The following TACR3 variants were observed in gnomAD, a reference collection of about 807,000 sequenced individuals.
The protein encoded by TACR3 is tachykinin receptor 3, also known as neuromedin-K receptor.
In TACR3, 34 loss-of-function variants were observed where a neutral mutation model predicts 35.0. The observed-to-expected ratio is 0.97, with a 90% CI of 0.74 to 1.30. The LOEUF is 1.30. Ranked by LOEUF, TACR3 falls within the 50% of genes most tolerant of loss-of-function variation. TACR3 has a pLI of 0.00. For synonymous variants in TACR3, 233 were observed against 221.1 expected, an observed-to-expected ratio of 1.05 and a Z score of -0.48; for missense variants, 558 against 591.7, an observed-to-expected ratio of 0.94 and a Z score of 0.59.
At chr4:103,678,038 G>A (rs1375519872) in intron 1 of TACR3, among the ~76,000 whole-genome samples, 6 of 152,066 alleles carry the variant, frequency 3.9e-5, no homozygotes, top group Admixed American at 3.9e-4. Context: ...ATGTAGCATA[G>A]GTTATCTTTC....
intron 3 of TACR3, among the ~76,000 whole-genome samples, chr4:103,645,811 T>C (rs1192723747): frequency 1.3e-5 from 2 of 151,984 alleles, no homozygotes; most frequent in Non-Finnish European, 2.9e-5. Context: ...AAAAGATCCC[T>C]ACATACAATC....
intron 3 of TACR3, among the ~76,000 whole-genome samples, chr4:103,596,274 G>C (rs1724014178): frequency 6.6e-6 from 1 of 151,932 alleles, no homozygotes; most frequent in East Asian, 1.9e-4. Flanking sequence ...CCAGTAATGG[G>C]ATGGCTGGGT....
intron 3 of TACR3, among the ~76,000 whole-genome samples, chr4:103,596,807 T>C (rs1724036276): frequency 6.6e-6 from 1 of 150,716 alleles, no homozygotes; most frequent in Non-Finnish European, 1.5e-5. Context: ...CCTGTGTCCA[T>C]GTGTTCTCAT....
intron 3 of TACR3, among the ~76,000 whole-genome samples, chr4:103,637,492 G>A (rs1560817423): frequency 6.6e-6 from 1 of 152,030 alleles, no homozygotes; most frequent in African/African-American, 2.4e-5. Context: ...ATACTGAATG[G>A]GCAAAAACTG....
chr4:103,604,165 C>A (rs934964852), intron 3 of TACR3, among the ~76,000 whole-genome samples: 4 of 152,198 alleles, frequency 2.6e-5, no homozygotes, highest in Non-Finnish European at 5.9e-5. Context: ...GTAACCAAAA[C>A]ACCATGGTAC....
intron 3 of TACR3, among the ~76,000 whole-genome samples, chr4:103,603,506 C>T (rs1444869152): frequency 2.0e-5 from 3 of 152,212 alleles, no homozygotes; most frequent in Non-Finnish European, 2.9e-5. Context: ...GCGAACTTAT[C>T]CTTTTTTATG....
At chr4:103,608,966 T>G (rs1452013925) in intron 3 of TACR3, among the ~76,000 whole-genome samples, 1 of 152,100 alleles carries the variant, frequency 6.6e-6, no homozygotes. Flanking sequence ...TAATAGAGCC[T>G]GAGGCAATGT....
chr4:103,719,695 C>T lies in TACR3; in HGVS notation c.-20G>A, dbSNP rs201377092. On this transcript the variant is annotated 5_prime_UTR_variant, in exon 1 of 5. Coordinates refer to ENST00000304883, the MANE Select transcript of TACR3 (RefSeq NM_001059.3). ...GGCCATCGCCACCGGTCTGCAGTCCCGGACCCTCCCACTCACCCACGGGCA... is the reference window on the plus strand; with the variant it reads ...GGCCATCGCCACCGGTCTGCAGTCCTGGACCCTCCCACTCACCCACGGGCA... 8.0e-4 allele frequency: 1,277 copies of T among 1,605,264 alleles called. 7 individuals carry two copies. The African/African-American group carries it at 0.015, about 19-fold the overall frequency.
chr4:103,658,413 A>T lies in TACR3; in HGVS notation c.549-10T>A. The T allele has an allele frequency of 6.2e-7, 1 of 1,611,446 alleles. No homozygotes were observed. Among genetic ancestry groups the T allele is most frequent in the Non-Finnish European group, 8.5e-7 (1 of 1,177,970 alleles). ...AATAATAGCCATATACCTATATAAA[A>T]ACAAACAAAACCATTTCATTGGTTT... On this transcript the variant is annotated splice_polypyrimidine_tract_variant and intron_variant, in intron 1 of 4. Transcript: ENST00000304883.
intron 1 of TACR3, among the ~76,000 whole-genome samples, chr4:103,697,582 G>A (rs576312011): frequency 1.2e-3 from 178 of 151,862 alleles, no homozygotes; most frequent in African/African-American, 4.1e-3. Context: ...CCGCCACCAC[G>A]CCCGGCTAAT....
chr4:103,598,023 G>C (rs561825023), intron 3 of TACR3, among the ~76,000 whole-genome samples: 1 of 152,094 alleles, frequency 6.6e-6, no homozygotes, highest in African/African-American at 2.4e-5. Flanking sequence ...CTGAGGAATC[G>C]CCACACCGAC....
At chr4:103,691,895 C>G (rs888044489) in intron 1 of TACR3, among the ~76,000 whole-genome samples, 1 of 152,136 alleles carries the variant, frequency 6.6e-6, no homozygotes, top group Non-Finnish European at 1.5e-5. Context: ...AATTGAATAT[C>G]TATAGAAACA....
At chr4:103,666,633 G>A (rs546182483) in intron 1 of TACR3, among the ~76,000 whole-genome samples, 44 of 152,056 alleles carry the variant, frequency 2.9e-4, no homozygotes, top group African/African-American at 9.4e-4. Context: ...AAAATGATTT[G>A]TATCAAAATG....
chr4:103,694,133 T>C (rs773591343), intron 1 of TACR3, among the ~76,000 whole-genome samples: 2 of 152,248 alleles, frequency 1.3e-5, no homozygotes, highest in African/African-American at 2.4e-5. Flanking sequence ...AGCCTTTTTT[T>C]CCCTCCTTAG....
At chr4:103,606,256 T>C (rs1413150104) in intron 3 of TACR3, among the ~76,000 whole-genome samples, 6 of 151,496 alleles carry the variant, frequency 4.0e-5, no homozygotes, top group South Asian at 4.2e-4. Context: ...AGTCAGGTAG[T>C]GTGATGCCTC....
intron 1 of TACR3, among the ~76,000 whole-genome samples, chr4:103,679,397 T>A (rs901539541): frequency 6.6e-6 from 1 of 152,042 alleles, no homozygotes; most frequent in Non-Finnish European, 1.5e-5. Context: ...TGTTAGGTGG[T>A]GAAAGTATTC....
chr4:103,629,485 A>C (rs1402287560), intron 3 of TACR3, among the ~76,000 whole-genome samples: 1 of 152,206 alleles, frequency 6.6e-6, no homozygotes, highest in Non-Finnish European at 1.5e-5. Context: ...AAGCATTCTT[A>C]TACACCAATA....
intron 3 of TACR3, among the ~76,000 whole-genome samples, chr4:103,650,662 A>AT (rs1289676328): frequency 0.059 from 1,993 of 33,998 alleles, 136 homozygotes; most frequent in African/African-American, 0.33. Flanking sequence ...ATAAATATAT[A>AT]TAAATAAATA....
intron 1 of TACR3, among the ~76,000 whole-genome samples, chr4:103,697,426 ATTT>A (rs1244094981): frequency 6.6e-6 from 1 of 150,382 alleles, no homozygotes. Context: ...TTATTTATTT[ATTT>A]ATTTATTTAT....
Sources: gnomAD v4.1 joint callset for allele counts (sites outside exome capture counted in the v4.1 genomes callset) on GRCh38, gnomAD v4.1.1 for gene constraint, MANE v1.5 for transcripts, NCBI Gene and HGNC (gene_info 2026-07-23, HGNC 2026-07-21) for gene names.